Variants in PPP2R5E observed in about 807,000 individuals in gnomAD.
PPP2R5E encodes protein phosphatase 2 regulatory subunit B'epsilon.
A neutral mutation model predicts 65.3 loss-of-function variants in PPP2R5E; 4 were observed. That is an observed-to-expected ratio of 0.06 (90% CI 0.03 to 0.14). The LOEUF (loss-of-function observed/expected upper bound fraction) is 0.14. PPP2R5E is among the 10% of genes least tolerant of loss of function. The pLI is 1.00. For missense variants in PPP2R5E, 274 were observed against 556.1 expected (o/e 0.49, Z 5.10); for synonymous variants, 183 against 187.4 (o/e 0.98, Z 0.19).
intron 2 of PPP2R5E, among the ~76,000 whole-genome samples, chr14:63,485,184 G>A (rs1890915659): frequency 7.1e-6 from 1 of 141,400 alleles, no homozygotes. Context: ...AACTGCTACT[G>A]CTATACTCAT....
intron 2 of PPP2R5E, among the ~76,000 whole-genome samples, chr14:63,491,069 G>C (rs529739728): frequency 6.6e-6 from 1 of 151,908 alleles, no homozygotes; most frequent in Non-Finnish European, 1.5e-5. Flanking sequence ...ATGAAATCAC[G>C]TCCTTTGCAA....
At chr14:63,393,079 T>C (rs1035347682) in intron 8 of PPP2R5E, among the ~76,000 whole-genome samples, 1 of 152,160 alleles carries the variant, frequency 6.6e-6, no homozygotes, top group African/African-American at 2.4e-5. Flanking sequence ...GATAAAGACA[T>C]GGTGAGTGAC....
chr14:63,411,062 T>A (rs76445028), intron 5 of PPP2R5E, among the ~76,000 whole-genome samples: 2 of 152,168 alleles, frequency 1.3e-5, no homozygotes, highest in African/African-American at 2.4e-5. Flanking sequence ...TTGCAAGCAC[T>A]TAGGGCAGGA....
chr14:63,420,984 C>T (rs1413399647), intron 4 of PPP2R5E, among the ~76,000 whole-genome samples: 1 of 85,366 alleles, frequency 1.2e-5, no homozygotes. Flanking sequence ...ACCCGGGAGG[C>T]GGAGCTTGCA....
At chr14:63,389,055 C>CAGCT (rs1488888248) in intron 11 of PPP2R5E, among the ~76,000 whole-genome samples, 2 of 151,940 alleles carry the variant, frequency 1.3e-5, no homozygotes, top group African/African-American at 4.8e-5. Flanking sequence ...CTTTAGCAAG[C>CAGCT]AGCTACACCA....
At chr14:63,475,351 C>T (rs934427821) in intron 2 of PPP2R5E, among the ~76,000 whole-genome samples, 1 of 152,304 alleles carries the variant, frequency 6.6e-6, no homozygotes, top group Admixed American at 6.5e-5. Flanking sequence ...GAAACCAGAA[C>T]ACACGTACCA....
rs962700691 is a variant in PPP2R5E at position 63,504,693 on chromosome 14, G to A, written c.157+34836C>T. Among the ~76,000 whole-genome samples the A allele has an allele frequency of 1.2e-4, 18 of 152,180 alleles. No individual in the cohort carries two copies. In the East Asian group the frequency reaches 3.5e-3, roughly 29 times the overall value. On this transcript the variant is annotated intron_variant, in intron 2 of 13. Coordinates refer to ENST00000337537, the MANE Select transcript of PPP2R5E (RefSeq NM_006246.5). The stretch of plus-strand genomic sequence containing the variant: ...AAAACAAGGCTTACAGTCTAACTGG[G>A]GAGAGAAAACCTATACCCATGAAAA...
intron 1 of PPP2R5E, 31 bp from the exon 2 acceptor site, chr14:63,539,723 C>T: frequency 1.9e-6 from 3 of 1,583,616 alleles, no homozygotes; most frequent in Non-Finnish European, 2.6e-6. Context: ...TAAACCCATA[C>T]ATTCCCAAGG....
chr14:63,448,926 T>C (rs762199365), intron 3 of PPP2R5E, among the ~76,000 whole-genome samples: 20 of 152,198 alleles, frequency 1.3e-4, no homozygotes, highest in Non-Finnish European at 2.1e-4. Flanking sequence ...CCAGACTTCA[T>C]TTAATTGTTA....
chr14:63,432,499 T>C (rs1172227473), intron 3 of PPP2R5E, among the ~76,000 whole-genome samples: 3 of 152,144 alleles, frequency 2.0e-5, no homozygotes, highest in African/African-American at 7.2e-5. Context: ...ACAGATCAAA[T>C]GTAAATATAG....
chr14:63,533,653 A>T (rs1027725295), intron 2 of PPP2R5E, among the ~76,000 whole-genome samples: 1 of 148,246 alleles, frequency 6.7e-6, no homozygotes, highest in East Asian at 2.1e-4. Flanking sequence ...GACAAGAAAT[A>T]ACAATGGCGG....
At chr14:63,503,470 A>G (rs548002224) in intron 2 of PPP2R5E, among the ~76,000 whole-genome samples, 1 of 152,336 alleles carries the variant, frequency 6.6e-6, no homozygotes, top group South Asian at 2.1e-4. Context: ...GGTAAAAGAT[A>G]GCAAATCAAC....
At chr14:63,461,640 T>TAAAAAAA (rs199591299) in intron 2 of PPP2R5E, among the ~76,000 whole-genome samples, 9,807 of 139,566 alleles carry the variant, frequency 0.07, 497 homozygotes, top group African/African-American at 0.13. Context: ...CTACAAAATT[T>TAAAAAAA]AAAAAAAAAA....
rs1193073084 is a variant in PPP2R5E, at chr14:63,501,955, C to T, written c.157+37574G>A. Among the ~76,000 whole-genome samples the T allele has an allele frequency of 3.3e-5, 5 of 152,188 alleles. 1 individual carries two copies. On this transcript the variant is annotated intron_variant, in intron 2 of 13. Coordinates refer to ENST00000337537, the MANE Select transcript of PPP2R5E (RefSeq NM_006246.5). The stretch of plus-strand genomic sequence containing the variant: ...TGTCAGCCTGGCTGGAGTGCAGTGG[C>T]GAGATCTCAGCTCACTGCAGCCTCC...
intron 13 of PPP2R5E, among the ~76,000 whole-genome samples, chr14:63,378,866 G>C (rs1038873938): frequency 1.3e-5 from 2 of 152,090 alleles, no homozygotes; most frequent in African/African-American, 4.8e-5. Context: ...TTGCCATCCT[G>C]AAGTAAAATT....
intron 1 of PPP2R5E, among the ~76,000 whole-genome samples, chr14:63,540,397 C>T (rs1477418258): frequency 1.4e-5 from 2 of 144,506 alleles, no homozygotes; most frequent in Non-Finnish European, 3.0e-5. Context: ...CACCACTGCA[C>T]TCCAGCCTGG....
rs181804166 is a variant in PPP2R5E at position 63,454,719 on chromosome 14, C to T, written c.158-834G>A. On this transcript the variant is annotated intron_variant, in intron 2 of 13. Transcript: ENST00000337537. ...ATCTACAGTTGGACTTCAAATATAC[C>T]GACTAAGCTGTAGACAGCCTATCCC... 5.3e-5 allele frequency among the ~76,000 whole-genome samples: 8 copies of T among 152,118 alleles called. No homozygotes were observed. In the South Asian group the frequency reaches 8.3e-4, roughly 16 times the overall value.
Position 63,467,238 on chromosome 14 carries a change from ACAAAC to A in PPP2R5E, c.158-13358_158-13354del, listed in dbSNP as rs1566724741. ...ACTCCGTCTCAAAAAAAACAAACAA[ACAAAC>A]AAAAAAAACACTATTTACAACATGT... On this transcript the variant is annotated intron_variant, in intron 2 of 13. Coordinates refer to ENST00000337537, the MANE Select transcript of PPP2R5E (RefSeq NM_006246.5). Among the ~76,000 whole-genome samples the A allele has an allele frequency of 3.2e-4, 42 of 132,158 alleles. 3 individuals are homozygous for A. Among genetic ancestry groups the A allele is most frequent in the East Asian group, 1.3e-3 (5 of 3,998 alleles). 86.7% of individuals were successfully genotyped at this position (132,158 alleles called of 152,430 possible). A position where few individuals can be genotyped will look rare whatever the true frequency, so the allele number is the denominator to read the frequency against.
intron 12 of PPP2R5E, among the ~76,000 whole-genome samples, chr14:63,382,932 T>C (rs77656185): frequency 0.013 from 1,967 of 152,228 alleles, 49 homozygotes; most frequent in African/African-American, 0.045. Context: ...TATATGTGTA[T>C]ATATATAAAT....
Sources: allele counts gnomAD v4.1 joint callset (sites outside exome capture counted in the v4.1 genomes callset), GRCh38; gene constraint gnomAD v4.1.1; transcripts MANE v1.5; gene names NCBI Gene and HGNC (gene_info 2026-07-23, HGNC 2026-07-21).